The following UGT1A10 variants were observed in gnomAD, a reference collection of about 807,000 sequenced individuals.
UGT1A10 encodes the protein UDP-glucuronosyltransferase 1A10.
UGT1A10 carries 49 observed loss-of-function variants against 45.8 expected under a neutral mutation model. The ratio of observed to expected loss-of-function variants is 1.07; its 90% confidence interval spans 0.85 to 1.36. The LOEUF (loss-of-function observed/expected upper bound fraction) is 1.36. Among genes scored for constraint, UGT1A10 ranks in the 40% most tolerant of loss-of-function variants. The probability of loss-of-function intolerance (pLI) is 0.00; values close to 1 mark genes in which losing one functional copy is unlikely to be tolerated. For missense variants in UGT1A10, 745 were observed against 668.6 expected, an observed-to-expected ratio of 1.11 and a Z score of -1.26; for synonymous variants, 284 against 249.7, an observed-to-expected ratio of 1.14 and a Z score of -1.29.
At chr2:233,718,845 C>T (rs372864250) in intron 1 of UGT1A10, 6 of 1,613,704 alleles carry the variant, frequency 3.7e-6, no homozygotes, top group Non-Finnish European at 5.1e-6. Flanking sequence ...CCAGGTTCCC[C>T]TGCCGCGGCT....
At chr2:233,740,325 T>C (rs1691364696) in intron 1 of UGT1A10, among the ~76,000 whole-genome samples, 1 of 151,932 alleles carries the variant, frequency 6.6e-6, no homozygotes, top group Non-Finnish European at 1.5e-5. Context: ...AATCTGCATT[T>C]ATTGAGAAAG....
intron 1 of UGT1A10, among the ~76,000 whole-genome samples, chr2:233,656,717 G>T (rs1227006483): frequency 6.6e-6 from 1 of 152,106 alleles, no homozygotes; most frequent in East Asian, 1.9e-4. Context: ...GACGAGGCGT[G>T]TCCAGCCTTC....
intron 1 of UGT1A10, among the ~76,000 whole-genome samples, chr2:233,738,308 G>T (rs1018461415): frequency 7.9e-5 from 12 of 152,194 alleles, no homozygotes; most frequent in African/African-American, 2.7e-4. Flanking sequence ...TGTCTTTATA[G>T]CAGTGTGTGA....
chr2:233,691,351 T>C (rs2075039677), intron 1 of UGT1A10: 2 of 985,564 alleles, frequency 2.0e-6, no homozygotes, highest in African/African-American at 1.7e-5. Context: ...TCGCATGCCT[T>C]GAACAATGAA....
At chr2:233,708,356 T>G (rs1559355777) in intron 1 of UGT1A10, 1 of 152,248 alleles carries the variant, frequency 6.6e-6, no homozygotes, top group Non-Finnish European at 1.5e-5. Flanking sequence ...TTTCCCTTAT[T>G]AATTCTTCAT....
intron 1 of UGT1A10, among the ~76,000 whole-genome samples, chr2:233,758,385 T>A (rs1230615266): frequency 6.6e-6 from 1 of 152,262 alleles, no homozygotes; most frequent in Non-Finnish European, 1.5e-5. Context: ...TGGTGACTTA[T>A]GTGTTTATAG....
intron 1 of UGT1A10, among the ~76,000 whole-genome samples, chr2:233,653,745 C>T (rs541540279): frequency 5.9e-5 from 9 of 152,294 alleles, no homozygotes; most frequent in Admixed American, 5.2e-4. Context: ...TACAGATGCC[C>T]ACCACCACAG....
rs541996220 is a variant in UGT1A10 at position 233,687,430 on chromosome 2, AG to A, written c.855+50055del. ...ATATATTGGAGGCTTACCGTGTACC[AG>A]GTGCTACCCTAAGTATTTACATGGA... is the stretch of plus-strand genomic sequence containing the variant. On this transcript the variant is annotated intron_variant, in intron 1 of 4. Transcript: ENST00000344644. Among the ~76,000 whole-genome samples, 100 of 152,226 alleles carry A rather than the reference AG, an allele frequency of 6.6e-4. 2 individuals are homozygous for A. In the Middle Eastern group the frequency reaches 0.02, roughly 31 times the overall value.
At chr2:233,689,817 ATCTCTGGAC>A (rs1446370828) in intron 1 of UGT1A10, 3 of 442,198 alleles carry the variant, frequency 6.8e-6, no homozygotes, top group Non-Finnish European at 1.3e-5. Context: ...GAAACCAAAC[ATCTCTGGAC>A]TCTAACTTTC....
chr2:233,652,581 G>C (rs1463024154), intron 1 of UGT1A10, among the ~76,000 whole-genome samples: 1 of 152,084 alleles, frequency 6.6e-6, no homozygotes, highest in East Asian at 1.9e-4. Flanking sequence ...CACTCATAAT[G>C]CATAATGAAA....
At position 233,718,952 on chromosome 2, in the gene UGT1A10, G is replaced by A. The variant is rs773069421; in HGVS notation, c.856-48082G>A. The stretch of plus-strand genomic sequence containing the variant: ...CTGATGGCAGCCCCTGGCTCAGCAT[G>A]CGGGAGGCCTTGCGGGAGCTCCATG... On this transcript the variant is annotated intron_variant, in intron 1 of 4. Transcript: ENST00000344644. 25 of 1,614,082 alleles carry A rather than the reference G, an allele frequency of 1.5e-5. No homozygotes were observed. In the Admixed American group the frequency reaches 2.2e-4, roughly 14 times the overall value.
At chr2:233,653,698 G>A (rs2073790963) in intron 1 of UGT1A10, among the ~76,000 whole-genome samples, 1 of 152,198 alleles carries the variant, frequency 6.6e-6, no homozygotes, top group African/African-American at 2.4e-5. Flanking sequence ...CCGAGTTCAA[G>A]CGATTCTCCT....
At chr2:233,715,882 C>G (rs576558461) in intron 1 of UGT1A10, among the ~76,000 whole-genome samples, 42 of 152,296 alleles carry the variant, frequency 2.8e-4, no homozygotes, top group African/African-American at 9.9e-4. Flanking sequence ...CCTGTGGCCC[C>G]AGCTACTTGG....
Position 233,769,941 on chromosome 2 carries a change from T to G in UGT1A10, c.1295+1502T>G. 1 of 227,092 alleles carries G rather than the reference T, an allele frequency of 4.4e-6. No individual in the cohort carries two copies. The highest frequency in any genetic ancestry group is 9.8e-5 in the East Asian group (1 of 10,154). 14.1% of individuals were successfully genotyped at this position (227,092 alleles called of 1,614,324 possible). On this transcript the variant is annotated intron_variant, in intron 4 of 4. Transcript: ENST00000344644. This position sits in a 1 kb window ranked among gnomAD's most constrained non-coding sequence, Gnocchi z 4.4. ...TGGGTGGTGTGGTCCCATTCCTTCC[T>G]TCCAGCGGCTTCTTCTGGCCACCTC...
intron 1 of UGT1A10, among the ~76,000 whole-genome samples, chr2:233,653,260 C>T (rs955852285): frequency 3.3e-5 from 5 of 152,126 alleles, no homozygotes; most frequent in African/African-American, 9.7e-5. Flanking sequence ...TATAAAAACA[C>T]GACAGACCAC....
chr2:233,694,469 T>A (rs138787625), intron 1 of UGT1A10, among the ~76,000 whole-genome samples: 8 of 152,338 alleles, frequency 5.3e-5, no homozygotes, highest in African/African-American at 1.9e-4. Context: ...AAAAGGGGTA[T>A]GGCCTCTGAC....
At chr2:233,679,959 CT>C (rs1218699615) in intron 1 of UGT1A10, among the ~76,000 whole-genome samples, 5 of 152,292 alleles carry the variant, frequency 3.3e-5, no homozygotes, top group African/African-American at 9.6e-5. Context: ...TTGGCTCCTG[CT>C]GGCATAGCTG....
intron 1 of UGT1A10, among the ~76,000 whole-genome samples, chr2:233,720,116 C>G (rs1194928036): frequency 6.6e-6 from 1 of 152,088 alleles, no homozygotes; most frequent in African/African-American, 2.4e-5. Flanking sequence ...GCGAAAGATA[C>G]AGAGGTGACC....
At chr2:233,650,966 A>G (rs1353618983) in intron 1 of UGT1A10, among the ~76,000 whole-genome samples, 2 of 152,224 alleles carry the variant, frequency 1.3e-5, no homozygotes, top group Non-Finnish European at 2.9e-5. Context: ...TAGACTTTGT[A>G]ACACAGTTGT....
Sources: gnomAD v4.1 joint callset for allele counts (sites outside exome capture counted in the v4.1 genomes callset) on GRCh38, gnomAD v4.1.1 for gene constraint, Gnocchi (gnomAD v3.1) non-coding constraint, MANE v1.5 for transcripts, NCBI Gene and HGNC (gene_info 2026-07-23, HGNC 2026-07-21) for gene names.